Variants in GRAP2 observed in about 807,000 individuals in gnomAD.
GRAP2 encodes GRB2-related adapter protein 2.
Under a neutral mutation model 43.5 loss-of-function variants are expected in GRAP2, and 31 were observed. The ratio of observed to expected loss-of-function variants is 0.71; its 90% CI spans 0.54 to 0.96. The LOEUF (loss-of-function observed/expected upper bound fraction) is 0.96. Ranked by LOEUF, GRAP2 falls within the 40% of genes least tolerant of loss-of-function variation. The probability of loss-of-function intolerance (pLI) is 0.00; values close to 1 mark genes in which losing one functional copy is unlikely to be tolerated. For missense variants in GRAP2, 371 were observed against 424.4 expected, an observed-to-expected ratio of 0.87 and a Z score of 1.11; for synonymous variants, 156 against 164.8, an observed-to-expected ratio of 0.95 and a Z score of 0.41.
intron 1 of GRAP2, among the ~76,000 whole-genome samples, chr22:39,918,903 G>A (rs990388386): frequency 6.6e-6 from 1 of 152,156 alleles, no homozygotes; most frequent in Non-Finnish European, 1.5e-5. Context: ...ATAGTTAAAA[G>A]GCAATAAAGG....
chr22:39,895,584 T>A, the GRAP2 span, among the ~76,000 whole-genome samples: 2 of 152,188 alleles, frequency 1.3e-5, no homozygotes, highest in Non-Finnish European at 2.9e-5. Flanking sequence ...TTTTTTTATA[T>A]GTATAGCTTA....
intron 2 of GRAP2, among the ~76,000 whole-genome samples, chr22:39,952,510 C>T (rs933181710): frequency 2.6e-5 from 4 of 152,086 alleles, no homozygotes; most frequent in African/African-American, 7.2e-5. Context: ...TACGTGGCTA[C>T]GAGGCGCTGC....
chr22:39,900,475 G>A (rs2066486333), upstream of GRAP2, among the ~76,000 whole-genome samples: 1 of 152,192 alleles, frequency 6.6e-6, no homozygotes, highest in African/African-American at 2.4e-5. Flanking sequence ...TGATATAGGG[G>A]GAAGGGTGAG....
At chr22:39,958,063 G>A (rs372361910) in intron 3 of GRAP2, among the ~76,000 whole-genome samples, 4 of 151,796 alleles carry the variant, frequency 2.6e-5, no homozygotes, top group African/African-American at 9.7e-5. Flanking sequence ...CTCATCTCCC[G>A]ACCCTTCCCA....
chr22:39,898,697 C>T (rs1248367557), upstream of GRAP2, among the ~76,000 whole-genome samples: 1 of 152,114 alleles, frequency 6.6e-6, no homozygotes, highest in African/African-American at 2.4e-5. Flanking sequence ...CCTGCAATCC[C>T]AGCTACTCGG....
chr22:39,953,277 C>T (rs897957979), intron 2 of GRAP2, among the ~76,000 whole-genome samples: 1 of 152,140 alleles, frequency 6.6e-6, no homozygotes, highest in Non-Finnish European at 1.5e-5. Flanking sequence ...CAGTCACCCG[C>T]ATGCAATCTG....
At chr22:39,923,846 G>T (rs188379477) in intron 1 of GRAP2, among the ~76,000 whole-genome samples, 1 of 152,280 alleles carries the variant, frequency 6.6e-6, no homozygotes, top group African/African-American at 2.4e-5. Flanking sequence ...TTCACTGCCC[G>T]GTTACAAATT....
At chr22:39,956,952 A>G (rs137997) in intron 3 of GRAP2, among the ~76,000 whole-genome samples, 125,257 of 151,910 alleles carry the variant, frequency 0.82, 52,282 homozygotes, top group African/African-American at 0.9. Context: ...CCCTTCACTC[A>G]GTGGGTGGAC....
chr22:39,956,495 T>C (rs1454618170), intron 3 of GRAP2, among the ~76,000 whole-genome samples: 1 of 151,158 alleles, frequency 6.6e-6, no homozygotes. Flanking sequence ...TTTTTATTCA[T>C]GTGTTTATTT....
At chr22:39,925,312 G>A (rs1283898815) in intron 1 of GRAP2, among the ~76,000 whole-genome samples, 1 of 152,146 alleles carries the variant, frequency 6.6e-6, no homozygotes, top group Admixed American at 6.5e-5. Flanking sequence ...TTACATTCCT[G>A]TGAATACTTC....
chr22:39,926,087 G>A (rs1410114349), intron 1 of GRAP2, among the ~76,000 whole-genome samples: 1 of 152,198 alleles, frequency 6.6e-6, no homozygotes, highest in African/African-American at 2.4e-5. Context: ...AGCTCCCTGA[G>A]GAAAGGAACT....
intron 1 of GRAP2, among the ~76,000 whole-genome samples, chr22:39,928,061 G>A (rs760601778): frequency 2.4e-4 from 36 of 152,128 alleles, no homozygotes; most frequent in African/African-American, 9.7e-5. Context: ...CTCTTTCTGC[G>A]ACCATTTTCC....
At chr22:39,929,956 A>G (rs2066740758) in intron 1 of GRAP2, among the ~76,000 whole-genome samples, 1 of 152,202 alleles carries the variant, frequency 6.6e-6, no homozygotes. Flanking sequence ...TGTCCCAAGT[A>G]CTTCAATGTG....
intron 1 of GRAP2, among the ~76,000 whole-genome samples, chr22:39,913,386 G>A (rs35891042): frequency 1.3e-5 from 2 of 152,128 alleles, no homozygotes; most frequent in East Asian, 3.8e-4. Context: ...TATTAGCATA[G>A]GAGTACACAG....
intron 1 of GRAP2, among the ~76,000 whole-genome samples, chr22:39,925,281 A>G (rs2066687573): frequency 1.3e-5 from 2 of 152,210 alleles, no homozygotes; most frequent in Non-Finnish European, 2.9e-5. Context: ...GCTGGGGACA[A>G]TGGGATGTCT....
upstream of GRAP2, among the ~76,000 whole-genome samples, chr22:39,897,069 G>A (rs1230977802): frequency 6.6e-6 from 1 of 152,054 alleles, no homozygotes; most frequent in Non-Finnish European, 1.5e-5. Context: ...CTTGCAAAGC[G>A]GTAAATACTC....
At chr22:39,930,919 G>A (rs1446971190) in intron 1 of GRAP2, among the ~76,000 whole-genome samples, 1 of 152,164 alleles carries the variant, frequency 6.6e-6, no homozygotes, top group Non-Finnish European at 1.5e-5. Flanking sequence ...CCTCATTTGG[G>A]AAGCTTCCAC....
intron 2 of GRAP2, among the ~76,000 whole-genome samples, chr22:39,955,226 C>T (rs974417165): frequency 1.8e-4 from 27 of 152,104 alleles, no homozygotes; most frequent in African/African-American, 5.8e-4. Flanking sequence ...GGTGTAGTGG[C>T]GCATGCCTGT....
In GRAP2 at chr22:39,970,785, G is replaced by T. The variant is rs190881111; in HGVS notation, c.814-120G>T. 5.2e-4 allele frequency: 469 copies of T among 901,916 alleles called. 3 individuals are homozygous for T. The East Asian group carries it at 0.01, about 20-fold the overall frequency. The allele number at this position is 901,916 out of a possible 1,614,324, so 55.9% of individuals were successfully genotyped here. A position where few individuals can be genotyped will look rare whatever the true frequency, so the allele number is the denominator to read the frequency against. ...AAAAAGTTTTTTTAAGCTGCAGAGG[G>T]GTCAGCCTTCAGGGAATGTTGCTCT... On this transcript the variant is annotated intron_variant, in intron 7 of 7. Coordinates refer to ENST00000344138, the MANE Select transcript of GRAP2 (RefSeq NM_004810.4).
Sources: allele counts gnomAD v4.1 joint callset (sites outside exome capture counted in the v4.1 genomes callset), GRCh38; gene constraint gnomAD v4.1.1; transcripts MANE v1.5; gene names NCBI Gene and HGNC (gene_info 2026-07-23, HGNC 2026-07-21).